The following SLC9A9 variants were observed in gnomAD, a reference collection of about 807,000 sequenced individuals.
The protein encoded by SLC9A9 is solute carrier family 9 member A9.
SLC9A9 carries 62 observed loss-of-function variants against 77.8 expected under a neutral mutation model. The ratio of observed to expected loss-of-function variants is 0.80; its 90% CI spans 0.65 to 0.98. The LOEUF is 0.98. Among genes scored for constraint, SLC9A9 ranks in the 50% least tolerant of loss-of-function variants. The pLI is 0.00. For synonymous variants in SLC9A9, 320 were observed against 283.5 expected (o/e 1.13, Z -1.29); for missense variants, 775 against 774.9 (o/e 1.00, Z 0.00).
At chr3:143,710,139 C>T (rs1482654424) in intron 4 of SLC9A9, among the ~76,000 whole-genome samples, 1 of 152,180 alleles carries the variant, frequency 6.6e-6, no homozygotes. Flanking sequence ...GCAGCACAAA[C>T]ATGGAGTGGT....
At chr3:143,295,161 T>G (rs2030207235) in intron 14 of SLC9A9, among the ~76,000 whole-genome samples, 2 of 152,170 alleles carry the variant, frequency 1.3e-5, no homozygotes, top group East Asian at 3.8e-4. Context: ...TGACTTCCAG[T>G]TTTTCCTGAC....
At chr3:143,744,775 T>A (rs1460534508) in intron 4 of SLC9A9, among the ~76,000 whole-genome samples, 2 of 152,124 alleles carry the variant, frequency 1.3e-5, no homozygotes, top group East Asian at 3.9e-4. Flanking sequence ...TAAGTCTAAT[T>A]AAGTGGAGAA....
rs61283423 is a variant in SLC9A9 at position 143,626,876 on chromosome 3, C to CT, written c.755+25378dup. The stretch of plus-strand genomic sequence containing the variant: ...GAATTTTGGGAGACTGCACTAGCTC[C>CT]TTTTTTTTTTTTTTTGAGACAGTGT... On this transcript the variant is annotated intron_variant, in intron 6 of 15. Coordinates refer to ENST00000316549, the MANE Select transcript of SLC9A9 (RefSeq NM_173653.4). The CT allele has an allele frequency of 1.0e-3, 151 of 145,016 alleles. 3 individuals carry two copies. Among genetic ancestry groups the CT allele is most frequent in the East Asian group, 2.6e-3 (13 of 5,010 alleles). The allele number at this position is 145,016 out of a possible 1,614,324, so 9.0% of individuals were successfully genotyped here.
intron 8 of SLC9A9, among the ~76,000 whole-genome samples, chr3:143,554,306 A>G (rs2108640857): frequency 6.6e-6 from 1 of 152,336 alleles, no homozygotes; most frequent in Non-Finnish European, 1.5e-5. Flanking sequence ...ACTATCTCAC[A>G]ACAGGCTCAC....
chr3:143,291,599 T>G (rs1390548244), intron 14 of SLC9A9, among the ~76,000 whole-genome samples: 3 of 152,088 alleles, frequency 2.0e-5, no homozygotes, highest in African/African-American at 7.2e-5. Flanking sequence ...GCTGGAGACA[T>G]CAGGAAAGGA....
At chr3:143,655,730 A>C (rs1200090475) in intron 5 of SLC9A9, 1 of 790,396 alleles carries the variant, frequency 1.3e-6, no homozygotes, top group African/African-American at 1.9e-5. Flanking sequence ...CCCTACCTCT[A>C]GGTAAGCATA....
chr3:143,350,677 C>T (rs896946548), intron 14 of SLC9A9, among the ~76,000 whole-genome samples: 5 of 152,104 alleles, frequency 3.3e-5, no homozygotes, highest in African/African-American at 1.2e-4. Flanking sequence ...TTGAAATTTA[C>T]AGTTACTTTG....
intron 6 of SLC9A9, among the ~76,000 whole-genome samples, chr3:143,637,541 T>C (rs1390949062): frequency 6.6e-6 from 1 of 152,220 alleles, no homozygotes; most frequent in African/African-American, 2.4e-5. Context: ...GTTTTGTAGA[T>C]ATAATAGCCA....
intron 12 of SLC9A9, among the ~76,000 whole-genome samples, chr3:143,396,501 G>C (rs1340812885): frequency 6.6e-6 from 1 of 152,152 alleles, no homozygotes; most frequent in Non-Finnish European, 1.5e-5. Context: ...TAAATGATGA[G>C]TTAATGGGTG....
intron 4 of SLC9A9, among the ~76,000 whole-genome samples, chr3:143,712,379 G>A (rs145573775): frequency 1.1e-3 from 164 of 152,304 alleles, no homozygotes; most frequent in African/African-American, 3.7e-3. Context: ...AAAGAATTAA[G>A]TTTATTAAGC....
At chr3:143,380,581 A>G (rs943552700) in intron 13 of SLC9A9, among the ~76,000 whole-genome samples, 3 of 152,172 alleles carry the variant, frequency 2.0e-5, no homozygotes, top group South Asian at 4.1e-4. Flanking sequence ...GTGTAAGGAG[A>G]TGGGCTTTGA....
chr3:143,463,017 G>A (rs1035970140), intron 12 of SLC9A9, among the ~76,000 whole-genome samples: 3 of 152,188 alleles, frequency 2.0e-5, no homozygotes, highest in African/African-American at 7.2e-5. Flanking sequence ...TGAGTCACAA[G>A]GAGGTTATAT....
At chr3:143,553,750 G>A (rs1214610863) in intron 8 of SLC9A9, among the ~76,000 whole-genome samples, 1 of 152,158 alleles carries the variant, frequency 6.6e-6, no homozygotes, top group Non-Finnish European at 1.5e-5. Flanking sequence ...AATAAAACAA[G>A]TAGGAAATTT....
intron 14 of SLC9A9, among the ~76,000 whole-genome samples, chr3:143,324,561 C>T (rs1473943691): frequency 5.3e-5 from 8 of 152,192 alleles, no homozygotes; most frequent in Non-Finnish European, 1.0e-4. Context: ...GTGGCTCATG[C>T]CTGTAATCCC....
At chr3:143,685,874 C>T (rs1933246176) in intron 5 of SLC9A9, among the ~76,000 whole-genome samples, 2 of 152,154 alleles carry the variant, frequency 1.3e-5, no homozygotes, top group Non-Finnish European at 2.9e-5. Flanking sequence ...CAGCCACTGA[C>T]CACCAGATAA....
intron 5 of SLC9A9, among the ~76,000 whole-genome samples, chr3:143,692,574 T>A (rs1933504376): frequency 6.6e-6 from 1 of 152,180 alleles, no homozygotes; most frequent in Non-Finnish European, 1.5e-5. Flanking sequence ...ATGTCTGATA[T>A]GCTTGAAAAG....
chr3:143,364,604 T>C (rs1403956564), intron 13 of SLC9A9, among the ~76,000 whole-genome samples: 1 of 152,180 alleles, frequency 6.6e-6, no homozygotes, highest in African/African-American at 2.4e-5. Context: ...AGTTCCATCA[T>C]TGGTTAATGA....
intron 9 of SLC9A9, among the ~76,000 whole-genome samples, chr3:143,511,952 CTTGTGGTAAATCAAACTG>C (rs1559946807): frequency 6.6e-6 from 1 of 152,142 alleles, no homozygotes; most frequent in Non-Finnish European, 1.5e-5. Flanking sequence ...GGAATTTCAC[CTTGTGGTAAATCAAACTG>C]AATACTCCAA....
rs1480287986 is a variant in SLC9A9 at position 143,574,138 on chromosome 3, A to G, written c.950T>C (p.Phe317Ser). 2 of 1,613,456 alleles carry G rather than the reference A, an allele frequency of 1.2e-6. No homozygotes were observed. The highest frequency in any genetic ancestry group is 8.5e-7 in the Non-Finnish European group (1 of 1,179,644). ...CAGGAAGGCACTCCAAGAAAGCAGG[A>G]AAAACAGGCCGGTTTCCAGCATCGG... is the stretch of plus-strand genomic sequence containing the variant. ...EFPMLETGLF[F>S]LLSWSAFLSA... Residue 317 changes from phenylalanine (F) to serine (S), a missense_variant, in exon 8 of 16, where the codon TTC becomes TCC. Transcript: ENST00000316549.
Sources: gnomAD v4.1 joint callset for allele counts (sites outside exome capture counted in the v4.1 genomes callset) on GRCh38, gnomAD v4.1.1 for gene constraint, MANE v1.5 for transcripts, NCBI Gene and HGNC (gene_info 2026-07-23, HGNC 2026-07-21) for gene names.